The following UPRT variants were observed in gnomAD, a reference collection of about 807,000 sequenced individuals.
UPRT encodes uracil phosphoribosyltransferase homolog.
In UPRT, 5 loss-of-function variants were observed where a neutral mutation model predicts 22.6. The observed-to-expected ratio is 0.22, with a 90% CI of 0.12 to 0.47. UPRT has a LOEUF of 0.47. Among genes scored for constraint, UPRT ranks in the 20% least tolerant of loss-of-function variants. UPRT has a pLI of 0.99. For missense variants in UPRT, 181 were observed against 239.9 expected (o/e 0.75, Z 1.62); for synonymous variants, 77 against 87.7 (o/e 0.88, Z 0.68).
chrX:75,217,609 CTGT>C (rs2082397008), intron 4 of UPRT, among the ~76,000 whole-genome samples: 1 of 111,985 alleles, frequency 8.9e-6, no homozygotes, highest in South Asian at 3.7e-4. Context: ...CTCTGTTTGT[CTGT>C]TGTTGGTGTA....
intron 4 of UPRT, among the ~76,000 whole-genome samples, chrX:75,219,239 T>C (rs1442979661): frequency 9.0e-6 from 1 of 111,703 alleles, no homozygotes; most frequent in Non-Finnish European, 1.9e-5. Flanking sequence ...AAGTAGTCCA[T>C]AAGGATCTCG....
chrX:75,186,223 G>C (rs376781032), intron 4 of UPRT, among the ~76,000 whole-genome samples: 2 of 110,824 alleles, frequency 1.8e-5, no homozygotes, highest in East Asian at 2.8e-4. Context: ...TATGGTGTGT[G>C]TTTGTTCTCG....
intron 4 of UPRT, among the ~76,000 whole-genome samples, chrX:75,247,516 G>C (rs1345713734): frequency 8.9e-6 from 1 of 111,740 alleles, no homozygotes; most frequent in Non-Finnish European, 1.9e-5. Flanking sequence ...ACTGCAAAGC[G>C]GCAGTGAGGC....
At chrX:75,264,000 T>C (rs1236119497) in intron 4 of UPRT, among the ~76,000 whole-genome samples, 2 of 111,416 alleles carry the variant, frequency 1.8e-5, no homozygotes, top group Non-Finnish European at 3.8e-5. Flanking sequence ...AGGAGCAGGT[T>C]GTTCAGTTTC....
chrX:75,277,181 T>C (rs2147685728), intron 1 of UPRT, among the ~76,000 whole-genome samples: 1 of 112,138 alleles, frequency 8.9e-6, no homozygotes, highest in Non-Finnish European at 1.9e-5. Flanking sequence ...TTATGAATAA[T>C]GCTGCTATGA....
chrX:75,245,628 C>A (rs2082502523), intron 4 of UPRT, among the ~76,000 whole-genome samples: 2 of 112,281 alleles, frequency 1.8e-5, no homozygotes, highest in Admixed American at 9.5e-5. Context: ...AGAATGACAT[C>A]ATGTGCTTTG....
intron 1 of UPRT, among the ~76,000 whole-genome samples, chrX:75,277,379 A>G (rs1237431512): frequency 3.3e-4 from 37 of 111,198 alleles, no homozygotes; most frequent in Non-Finnish European, 3.8e-5. Flanking sequence ...AACCTGGGTT[A>G]TGTAGTAAAC....
intron 2 of UPRT, among the ~76,000 whole-genome samples, chrX:75,162,107 T>TTC (rs1491407320): frequency 6.0e-4 from 3 of 4,985 alleles, no homozygotes; most frequent in African/African-American, 6.8e-4. Context: ...CTTTCTTTTC[T>TTC]TTTTTTTTTT....
intron 4 of UPRT, among the ~76,000 whole-genome samples, chrX:75,241,697 G>T (rs1403212829): frequency 9.0e-6 from 1 of 111,721 alleles, no homozygotes; most frequent in Non-Finnish European, 1.9e-5. Context: ...CCAACGAGTG[G>T]ATAAAGAAAA....
At chrX:75,196,464 G>C (rs1364900631) in intron 4 of UPRT, among the ~76,000 whole-genome samples, 1 of 112,716 alleles carries the variant, frequency 8.9e-6, no homozygotes, top group Non-Finnish European at 1.9e-5. Flanking sequence ...CAGTGGTCTA[G>C]GACTGATTAG....
At chrX:75,270,166 A>G (rs1569278971), upstream of UPRT, among the ~76,000 whole-genome samples, 2 of 112,396 alleles carry the variant, frequency 1.8e-5, no homozygotes, top group South Asian at 7.3e-4. Context: ...GCTCATCATC[A>G]CTGGTCATTA....
chrX:75,178,505 G>A (rs1226568727), intron 4 of UPRT, among the ~76,000 whole-genome samples: 6 of 111,826 alleles, frequency 5.4e-5, no homozygotes, highest in South Asian at 3.8e-4. Flanking sequence ...GAATGAAGCC[G>A]CGGACCCTCA....
chrX:75,220,343 A>AT (rs1465380086), intron 4 of UPRT, among the ~76,000 whole-genome samples: 1 of 110,925 alleles, frequency 9.0e-6, no homozygotes. Flanking sequence ...ATGCATCTTG[A>AT]TTTTTAATCC....
intron 1 of UPRT, among the ~76,000 whole-genome samples, chrX:75,285,743 G>A (rs558115222): frequency 1.8e-4 from 20 of 110,968 alleles, no homozygotes; most frequent in African/African-American, 5.9e-4. Context: ...GCAGCTTTGA[G>A]GTGCAGGTAA....
At chrX:75,186,547 G>T (rs1373881260) in intron 4 of UPRT, among the ~76,000 whole-genome samples, 2 of 111,540 alleles carry the variant, frequency 1.8e-5, no homozygotes, top group Non-Finnish European at 3.8e-5. Flanking sequence ...TCTGCTTGGT[G>T]CAGAGCTTAG....
Position 75,296,407 on chromosome X carries a change from A to G in UPRT, c.495A>G (p.Pro165=). 8.3e-7 allele frequency: 1 copy of G among 1,207,543 alleles called. No individual in the cohort carries two copies. Among genetic ancestry groups the G allele is most frequent in the Non-Finnish European group, 1.1e-6 (1 of 892,217 alleles). ...ATAAAGAATGCATGGTGACCACTCC[A>G]ACAGGTAACTAGGGCTGTTATTCTC... ...LPYKECMVTT[P]TGYKYEGVKF... is the part of the protein sequence containing the mutation. Residue 165 remains proline, a synonymous_variant, in exon 3 of 7, where the codon CCA becomes CCG. Coordinates refer to ENST00000373383, the MANE Select transcript of UPRT (RefSeq NM_145052.4).
At chrX:75,244,947 C>T (rs187201667) in intron 4 of UPRT, among the ~76,000 whole-genome samples, 53 of 111,131 alleles carry the variant, frequency 4.8e-4, no homozygotes, top group Non-Finnish European at 8.1e-4. Context: ...AACTGAAGAT[C>T]TTCTGCACAG....
At chrX:75,218,593 G>A (rs1471600340) in intron 4 of UPRT, among the ~76,000 whole-genome samples, 1 of 97,763 alleles carries the variant, frequency 1.0e-5, no homozygotes, top group African/African-American at 3.8e-5. Context: ...GCACACGTAT[G>A]TTTATTGCGG....
chrX:75,303,808 G>C lies in UPRT; in HGVS notation c.*297G>C. 6.0e-6 allele frequency: 1 copy of C among 166,057 alleles called. No homozygotes were observed. Among genetic ancestry groups the C allele is most frequent in the South Asian group, 1.4e-4 (1 of 6,944 alleles). 13.7% of individuals were successfully genotyped at this position (166,057 alleles called of 1,213,427 possible). Reference sequence around the variant, plus strand: ...TCCTAATTTATGAGCCTCTTAGTTTGGAGGTTGCTTGAAGCCACAAATAAA... The same window carrying C: ...TCCTAATTTATGAGCCTCTTAGTTTCGAGGTTGCTTGAAGCCACAAATAAA... On this transcript the variant is annotated 3_prime_UTR_variant, in exon 7 of 7. Transcript: ENST00000373383.
Sources: allele counts gnomAD v4.1 joint callset (sites outside exome capture counted in the v4.1 genomes callset), GRCh38; gene constraint gnomAD v4.1.1; transcripts MANE v1.5; gene names NCBI Gene and HGNC (gene_info 2026-07-23, HGNC 2026-07-21).